Variants in RRAD observed in about 807,000 individuals in gnomAD.
RRAD encodes RRAD, Ras related glycolysis inhibitor and calcium channel regulator.
RRAD carries 15 observed loss-of-function variants against 24.7 expected under a neutral mutation model. The ratio of observed to expected loss-of-function variants is 0.61; its 90% CI spans 0.41 to 0.93. The LOEUF is 0.93. RRAD is among the 40% of genes least tolerant of loss of function. RRAD has a pLI of 0.00. For synonymous variants in RRAD, 180 were observed against 189.8 expected (o/e 0.95, Z 0.43); for missense variants, 438 against 452.2 (o/e 0.97, Z 0.29).
In RRAD at chr16:66,923,888, G is replaced by A. The variant is rs146679999; in HGVS notation, c.402C>T (p.Asp134=). 65 of 1,613,904 alleles carry A rather than the reference G, an allele frequency of 4.0e-5. No homozygotes were observed. The highest frequency in any genetic ancestry group is 4.6e-5 in the Non-Finnish European group (54 of 1,179,976). The stretch of plus-strand genomic sequence containing the variant: ...AGACCATGAGTGATGCCTCTTCTCC[G>A]TCCACTACAATGGAGCGATCATAGG... The part of the protein sequence containing the change: ...GHTYDRSIVV[D]GEEASLMVYD... Residue 134 remains aspartate (D), a synonymous_variant, in exon 3 of 5, where the codon GAC becomes GAT. Coordinates refer to ENST00000299759, the MANE Select transcript of RRAD (RefSeq NM_004165.3). This position sits in a 1 kb window ranked among gnomAD's most constrained non-coding sequence, Gnocchi z 4.9.
In RRAD at chr16:66,923,959, C is replaced by T; in HGVS notation, c.371-40G>A. 6.5e-7 allele frequency: 1 copy of T among 1,548,506 alleles called. No individual in the cohort carries two copies. Among genetic ancestry groups the T allele is most frequent in the Non-Finnish European group, 8.9e-7 (1 of 1,120,230 alleles). On this transcript the variant is annotated intron_variant, in intron 2 of 4. Coordinates refer to ENST00000299759, the MANE Select transcript of RRAD (RefSeq NM_004165.3). The surrounding 1 kb of genome is among the most constrained non-coding windows in gnomAD (Gnocchi z 4.9). ...AGTAGACAGGTTACCAGCTGGTTGT[C>T]AAAGCCGCTGCTGCCAGGTTTCCTG...
Position 66,922,256 on chromosome 16 carries a change from G to T in RRAD, c.747C>A (p.Arg249=). Residue 249 remains arginine, a synonymous_variant, in exon 5 of 5, where the codon CGC becomes CGA. Coordinates refer to ENST00000299759, the MANE Select transcript of RRAD (RefSeq NM_004165.3). ...TGCTGTCCCTGCGCAGGCGTATCTG[G>T]CGCACGACACCTTCAAACAGCGCCT... The part of the protein sequence containing the change: ...NVQALFEGVV[R]QIRLRRDSKE... The T allele has an allele frequency of 1.2e-6, 2 of 1,614,074 alleles. No homozygotes were observed. Among genetic ancestry groups the T allele is most frequent in the Non-Finnish European group, 1.7e-6 (2 of 1,179,950 alleles).
rs1335239505 is a variant in RRAD, at chr16:66,921,948, G to A, written c.*128C>T. 1.3e-6 allele frequency: 1 copy of A among 751,310 alleles called. No homozygotes were observed. The highest frequency in any genetic ancestry group is 1.8e-5 in the African/African-American group (1 of 56,802). The allele number at this position is 751,310 out of a possible 1,614,324, so 46.5% of individuals were successfully genotyped here. A position where few individuals can be genotyped will look rare whatever the true frequency, so the allele number is the denominator to read the frequency against. On this transcript the variant is annotated 3_prime_UTR_variant, in exon 5 of 5. Transcript: ENST00000299759. The stretch of plus-strand genomic sequence containing the variant: ...TCTATCTGTCCATGACCATGAGGTT[G>A]GGGGTGCCCGGCTGGCAGCTCCGAG...
chr16:66,923,712 G>GC lies in RRAD; in HGVS notation c.452dup (p.Arg152ProfsTer44). On this transcript the variant is annotated frameshift_variant, in exon 4 of 5. Coordinates refer to ENST00000299759, the MANE Select transcript of RRAD (RefSeq NM_004165.3). LOFTEE classifies it high-confidence loss of function. The surrounding 1 kb of genome is among the most constrained non-coding windows in gnomAD (Gnocchi z 4.9). The stretch of plus-strand genomic sequence containing the variant: ...CCATGCAGTGGCCGGGCAACCAGCG[G>GC]CCCCCGTCCTGGAGAACACACAACA... 2 of 1,614,014 alleles carry GC rather than the reference G, an allele frequency of 1.2e-6. No individual in the cohort carries two copies. Among genetic ancestry groups the GC allele is most frequent in the Non-Finnish European group, 1.7e-6 (2 of 1,179,992 alleles).
rs111919092 is a variant in RRAD at position 66,924,699 on chromosome 16, T to TAATAAC, written c.370+110_370+111insGTTATT. On this transcript the variant is annotated intron_variant, in intron 2 of 4. Transcript: ENST00000299759. The surrounding 1 kb of genome is among the most constrained non-coding windows in gnomAD (Gnocchi z 4.2). ...AATAAAATAATAATAATAATAATAATAACAACAACAACAACTATAATTCCA... is the reference window on the plus strand; with the variant it reads ...AATAAAATAATAATAATAATAATAATAATAACAACAACAACAACAACTATAATTCCA... 6,935 of 662,140 alleles carry TAATAAC rather than the reference T, an allele frequency of 0.01. 385 individuals carry two copies. In the African/African-American group the frequency reaches 0.16, roughly 16 times the overall value. The allele number at this position is 662,140 out of a possible 1,614,324, so 41.0% of individuals were successfully genotyped here.
Position 66,923,894 on chromosome 16 carries a change from T to C in RRAD, c.396A>G (p.Val132=). The part of the protein sequence containing the change: ...AAGHTYDRSI[V]VDGEEASLMV... ...TGAGTGATGCCTCTTCTCCGTCCAC[T>C]ACAATGGAGCGATCATAGGTGTGCC... The change falls in exon 3 of 5, where the codon GTA becomes GTG. Residue 132 remains valine, a synonymous_variant. Transcript: ENST00000299759. This position sits in a 1 kb window ranked among gnomAD's most constrained non-coding sequence, Gnocchi z 4.9. The C allele has an allele frequency of 6.2e-7, 1 of 1,614,054 alleles. No individual in the cohort carries two copies. The highest frequency in any genetic ancestry group is 8.5e-7 in the Non-Finnish European group (1 of 1,179,978).
At chr16:66,922,465 C>T in intron 4 of RRAD, 112 bp from the exon 5 acceptor site, 1 of 1,121,496 alleles carries the variant, frequency 8.9e-7, no homozygotes, top group East Asian at 2.4e-5. Flanking sequence ...GCAAGGTCCT[C>T]CCCGAAAACA....
Position 66,924,805 on chromosome 16 carries a change from C to T in RRAD, c.370+5G>A. The T allele has an allele frequency of 6.5e-7, 1 of 1,541,396 alleles. No individual in the cohort carries two copies. Among genetic ancestry groups the T allele is most frequent in the Admixed American group, 1.7e-5 (1 of 57,250 alleles). On this transcript the variant is annotated splice_donor_5th_base_variant and intron_variant, in intron 2 of 4. Transcript: ENST00000299759. The surrounding 1 kb of genome is among the most constrained non-coding windows in gnomAD (Gnocchi z 4.2). The stretch of plus-strand genomic sequence containing the variant: ...CCCCTCCCCTGAACAGCTGGGTCCC[C>T]TCACCTGCTGCCTCTGCTTCAGGCC...
chr16:66,923,663 C>T lies in RRAD; in HGVS notation c.502G>A (p.Val168Met). 6.2e-7 allele frequency: 1 copy of T among 1,614,158 alleles called. No individual in the cohort carries two copies. The highest frequency in any genetic ancestry group is 1.1e-5 in the South Asian group (1 of 91,078). The change falls in exon 4 of 5, where the codon GTG becomes ATG. Residue 168 changes from valine (V) to methionine (M), a missense_variant. Transcript: ENST00000299759. The surrounding 1 kb of genome is among the most constrained non-coding windows in gnomAD (Gnocchi z 4.9). ...CTGCCCTTGTCCGTCACTGAGTACA[C>T]AATGACATAGGCATCCCCCATGGCC... Reference protein sequence around the residue: ...CMAMGDAYVIVYSVTDKGSFE... With the variant: ...CMAMGDAYVIMYSVTDKGSFE...
At position 66,923,982 on chromosome 16, in the gene RRAD, C is replaced by T. The variant is rs950321988; in HGVS notation, c.371-63G>A. ...GTCAAAGCCGCTGCTGCCAGGTTTC[C>T]TGTTCTGGCCACACCCTCCAACTCT... is the stretch of plus-strand genomic sequence containing the variant. On this transcript the variant is annotated intron_variant, in intron 2 of 4. Transcript: ENST00000299759. This position sits in a 1 kb window ranked among gnomAD's most constrained non-coding sequence, Gnocchi z 4.9. 17 of 1,324,266 alleles carry T rather than the reference C, an allele frequency of 1.3e-5. No individual in the cohort carries two copies. In the African/African-American group the frequency reaches 2.5e-4, roughly 19 times the overall value. The allele number at this position is 1,324,266 out of a possible 1,614,324, so 82.0% of individuals were successfully genotyped here. A position where few individuals can be genotyped will look rare whatever the true frequency, so the allele number is the denominator to read the frequency against.
rs111379042 is a variant in RRAD, at chr16:66,925,408, C to T, written c.-16+1G>A. The stretch of plus-strand genomic sequence containing the variant: ...CGACCCCGCTCCGCCAGGACACTCA[C>T]CCACTCGCACACAGACACGCTCAGG... On this transcript the variant is annotated splice_donor_variant, in intron 1 of 4. Coordinates refer to ENST00000299759, the MANE Select transcript of RRAD (RefSeq NM_004165.3). LOFTEE classifies it low-confidence loss of function (5UTR_SPLICE). This position sits in a 1 kb window ranked among gnomAD's most constrained non-coding sequence, Gnocchi z 5.2. 2.8e-6 allele frequency: 1 copy of T among 351,878 alleles called. No individual in the cohort carries two copies. The highest frequency in any genetic ancestry group is 5.1e-6 in the Non-Finnish European group (1 of 197,416). 21.8% of individuals were successfully genotyped at this position (351,878 alleles called of 1,614,324 possible).
In RRAD at chr16:66,922,094, G is replaced by T. The variant is rs555745066; in HGVS notation, c.909C>A (p.His303Gln). 1 of 1,608,554 alleles carries T rather than the reference G, an allele frequency of 6.2e-7. No homozygotes were observed. The highest frequency in any genetic ancestry group is 2.2e-5 in the East Asian group (1 of 44,696). ...MAFRAKSKSC[H>Q]DLSVL ...GTGGGACCTAGAGAACCGAGAGGTC[G>T]TGGCAGGACTTGGATTTGGCGCGAA... Residue 303 changes from histidine to glutamine, a missense_variant, in exon 5 of 5, where the codon CAC becomes CAA. His to Gln is a conservative substitution (Grantham distance 24). Transcript: ENST00000299759.
Position 66,924,803 on chromosome 16 carries a change from C to G in RRAD, c.370+7G>C, listed in dbSNP as rs746697897. On this transcript the variant is annotated splice_region_variant and intron_variant, in intron 2 of 4. Coordinates refer to ENST00000299759, the MANE Select transcript of RRAD (RefSeq NM_004165.3). This position sits in a 1 kb window ranked among gnomAD's most constrained non-coding sequence, Gnocchi z 4.2. Reference sequence around the variant, plus strand: ...CGCCCCTCCCCTGAACAGCTGGGTCCCCTCACCTGCTGCCTCTGCTTCAGG... The same window carrying G: ...CGCCCCTCCCCTGAACAGCTGGGTCGCCTCACCTGCTGCCTCTGCTTCAGG... 1.3e-6 allele frequency: 2 copies of G among 1,536,870 alleles called. No individual in the cohort carries two copies. The highest frequency in any genetic ancestry group is 1.8e-6 in the Non-Finnish European group (2 of 1,139,818).
chr16:66,922,001 G>A lies in RRAD; in HGVS notation c.*75C>T. ...ACCCAGAGTCTGAGCCTGCTCTGAG[G>A]CACCCGGGGCAGTTGGCTGGGCCAG... On this transcript the variant is annotated 3_prime_UTR_variant, in exon 5 of 5. Coordinates refer to ENST00000299759, the MANE Select transcript of RRAD (RefSeq NM_004165.3). The A allele has an allele frequency of 7.2e-7, 1 of 1,393,700 alleles. No individual in the cohort carries two copies. The highest frequency in any genetic ancestry group is 9.9e-7 in the Non-Finnish European group (1 of 1,014,782). The allele number at this position is 1,393,700 out of a possible 1,614,324, so 86.3% of individuals were successfully genotyped here. A position where few individuals can be genotyped will look rare whatever the true frequency, so the allele number is the denominator to read the frequency against.
rs945378727 is a variant in RRAD at position 66,924,124 on chromosome 16, G to GC, written c.371-206dup. Among the ~76,000 whole-genome samples, 7 of 152,052 alleles carry GC rather than the reference G, an allele frequency of 4.6e-5. No homozygotes were observed. Among genetic ancestry groups the GC allele is most frequent in the African/African-American group, 7.2e-5 (3 of 41,404 alleles). On this transcript the variant is annotated intron_variant, in intron 2 of 4. Transcript: ENST00000299759. This position sits in a 1 kb window ranked among gnomAD's most constrained non-coding sequence, Gnocchi z 4.2. The stretch of plus-strand genomic sequence containing the variant: ...TGGTGTGCCTGACCTCCACCCACAT[G>GC]CCCCCCCTGGGGACCTTGGCCACCT...
Position 66,924,129 on chromosome 16 carries a change from C to G in RRAD, c.371-210G>C, listed in dbSNP as rs1422222504. On this transcript the variant is annotated intron_variant, in intron 2 of 4. Transcript: ENST00000299759. This position sits in a 1 kb window ranked among gnomAD's most constrained non-coding sequence, Gnocchi z 4.2. ...TGCCTGACCTCCACCCACATGCCCC[C>G]CCTGGGGACCTTGGCCACCTAGGGC... Among the ~76,000 whole-genome samples the G allele has an allele frequency of 6.6e-6, 1 of 152,172 alleles. No individual in the cohort carries two copies. Among genetic ancestry groups the G allele is most frequent in the African/African-American group, 2.4e-5 (1 of 41,442 alleles).
chr16:66,921,789 A>C lies in RRAD; in HGVS notation c.*287T>G. On this transcript the variant is annotated 3_prime_UTR_variant, in exon 5 of 5. Transcript: ENST00000299759. The stretch of plus-strand genomic sequence containing the variant: ...GCACACCCGGGCTGTGAAAAAAGGC[A>C]GAGTCCTCTCCCGGCACGCAGGCCT... 1 of 377,468 alleles carries C rather than the reference A, an allele frequency of 2.6e-6. No individual in the cohort carries two copies. Among genetic ancestry groups the C allele is most frequent in the East Asian group, 4.2e-5 (1 of 23,590 alleles). 23.4% of individuals were successfully genotyped at this position (377,468 alleles called of 1,614,324 possible).
At position 66,924,619 on chromosome 16, in the gene RRAD, C is replaced by T. The variant is rs1962965404; in HGVS notation, c.370+191G>A. 6.6e-6 allele frequency among the ~76,000 whole-genome samples: 1 copy of T among 152,006 alleles called. No homozygotes were observed. The highest frequency in any genetic ancestry group is 2.1e-4 in the South Asian group (1 of 4,818). ...GGCGGAGGTTGCAGTGAGCCTAGAT[C>T]GAGGCCACTGCACTCCAGCCTGGGA... On this transcript the variant is annotated intron_variant, in intron 2 of 4. Transcript: ENST00000299759. The surrounding 1 kb of genome is among the most constrained non-coding windows in gnomAD (Gnocchi z 4.2).
In RRAD at chr16:66,924,351, G is replaced by T. The variant is rs148442385; in HGVS notation, c.371-432C>A. ...TTATGAAGTGGGTAGGTAGAGGCATGATTCTGAAAGCGCCAATAGAATTCC... is the reference window on the plus strand; with the variant it reads ...TTATGAAGTGGGTAGGTAGAGGCATTATTCTGAAAGCGCCAATAGAATTCC... On this transcript the variant is annotated intron_variant, in intron 2 of 4. Coordinates refer to ENST00000299759, the MANE Select transcript of RRAD (RefSeq NM_004165.3). The surrounding 1 kb of genome is among the most constrained non-coding windows in gnomAD (Gnocchi z 4.2). Among the ~76,000 whole-genome samples, 359 of 152,244 alleles carry T rather than the reference G, an allele frequency of 2.4e-3. 1 individual carries two copies. The highest frequency in any genetic ancestry group is 4.0e-3 in the Non-Finnish European group (274 of 67,988).
Sources: allele counts gnomAD v4.1 joint callset (sites outside exome capture counted in the v4.1 genomes callset), GRCh38; gene constraint gnomAD v4.1.1; non-coding constraint Gnocchi (gnomAD v3.1); transcripts MANE v1.5; gene names NCBI Gene and HGNC (gene_info 2026-07-23, HGNC 2026-07-21).